The following COG4 variants were observed in gnomAD, a reference collection of about 807,000 sequenced individuals.
COG4 encodes the protein conserved oligomeric Golgi complex subunit 4.
A neutral mutation model predicts 95.1 loss-of-function variants in COG4; 65 were observed. The ratio of observed to expected loss-of-function variants is 0.68; its 90% CI spans 0.56 to 0.84. The LOEUF is 0.84. Ranked by LOEUF, COG4 falls within the 40% of genes least tolerant of loss-of-function variation. COG4 has a pLI of 0.00. For missense variants in COG4, 1,045 were observed against 989.1 expected (o/e 1.06, Z -0.76); for synonymous variants, 421 against 374.8 (o/e 1.12, Z -1.42).
At chr16:70,500,112 G>A (rs1331750101) in intron 9 of COG4, among the ~76,000 whole-genome samples, 1 of 151,800 alleles carries the variant, frequency 6.6e-6, no homozygotes, top group Non-Finnish European at 1.5e-5. Context: ...GGGATTATGC[G>A]TGAGCCACCA....
At position 70,480,656 on chromosome 16, in the gene COG4, C is replaced by T. The variant is rs1597649501; in HGVS notation, c.*354G>A. 1 of 326,406 alleles carries T rather than the reference C, an allele frequency of 3.1e-6. No homozygotes were observed. Among genetic ancestry groups the T allele is most frequent in the East Asian group, 7.6e-5 (1 of 13,082 alleles). 20.2% of individuals were successfully genotyped at this position (326,406 alleles called of 1,614,324 possible). On this transcript the variant is annotated 3_prime_UTR_variant, in exon 19 of 19. Transcript: ENST00000323786. ...CCTAACTGCTAGGTCCCCAGATGTACCCAAGTTGTCTAGGACTGGCAGGGG... is the reference window on the plus strand; with the variant it reads ...CCTAACTGCTAGGTCCCCAGATGTATCCAAGTTGTCTAGGACTGGCAGGGG...
chr16:70,504,931 G>C (rs2049530424), intron 8 of COG4, among the ~76,000 whole-genome samples: 1 of 150,122 alleles, frequency 6.7e-6, no homozygotes, highest in African/African-American at 2.5e-5. Context: ...AAAAAATCCA[G>C]TCAAAATGCC....
intron 2 of COG4, among the ~76,000 whole-genome samples, 155 bp downstream of exon 2, chr16:70,519,494 A>T (rs967949219): frequency 5.3e-5 from 8 of 152,210 alleles, no homozygotes; most frequent in African/African-American, 1.9e-4. Context: ...AAAACCATCA[A>T]ACTAATACCC....
At position 70,497,373 on chromosome 16, in the gene COG4, G is replaced by A. The variant is rs1421570052; in HGVS notation, c.1329C>T (p.Asp443=). The A allele has an allele frequency of 1.9e-6, 3 of 1,613,488 alleles. No homozygotes were observed. The highest frequency in any genetic ancestry group is 1.7e-6 in the Non-Finnish European group (2 of 1,180,016). The change falls in exon 11 of 19, where the codon GAC becomes GAT. Residue 443 remains aspartate (D), a synonymous_variant. Coordinates refer to ENST00000323786, the MANE Select transcript of COG4 (RefSeq NM_015386.3). Reference sequence around the variant, plus strand: ...ATGTCAGCTGGCCCTTCTCATAGGTGTCCAGAGCCACAGCCTACCCAAAAG... The same window carrying A: ...ATGTCAGCTGGCCCTTCTCATAGGTATCCAGAGCCACAGCCTACCCAAAAG... The part of the protein sequence containing the change: ...RETVNKAVAL[D]TYEKGQLTSS...
chr16:70,481,692 G>C (rs977190626), intron 17 of COG4, 72 bp downstream of exon 17: 17 of 1,421,328 alleles, frequency 1.2e-5, no homozygotes, highest in Admixed American at 3.6e-5. Context: ...TGCAAGTCCT[G>C]GGGGTGGTGG....
intron 4 of COG4, among the ~76,000 whole-genome samples, chr16:70,512,893 C>T (rs2049740973): frequency 6.6e-6 from 1 of 152,114 alleles, no homozygotes; most frequent in Non-Finnish European, 1.5e-5. Flanking sequence ...CAGAAGAATC[C>T]CTTGAACCTG....
chr16:70,486,995 CA>C (rs72483781), intron 13 of COG4, among the ~76,000 whole-genome samples: 256 of 124,194 alleles, frequency 2.1e-3, no homozygotes, highest in Admixed American at 1.8e-3. Flanking sequence ...AACTTCATCT[CA>C]AAAAAAAAAA....
chr16:70,498,732 T>C (rs1261325385), intron 9 of COG4, among the ~76,000 whole-genome samples: 1 of 152,246 alleles, frequency 6.6e-6, no homozygotes, highest in East Asian at 1.9e-4. Flanking sequence ...GATAACAGAA[T>C]ATCACAATAA....
At chr16:70,508,178 C>T (rs891112433) in intron 8 of COG4, among the ~76,000 whole-genome samples, 2 of 152,088 alleles carry the variant, frequency 1.3e-5, no homozygotes, top group African/African-American at 4.8e-5. Flanking sequence ...CTTGGTCTCC[C>T]AAAGTGCTGG....
intron 9 of COG4, among the ~76,000 whole-genome samples, chr16:70,499,033 C>G (rs1040392024): frequency 6.6e-6 from 1 of 152,104 alleles, no homozygotes; most frequent in Non-Finnish European, 1.5e-5. Flanking sequence ...CTGGGCAACA[C>G]AGCAATACTC....
intron 3 of COG4, among the ~76,000 whole-genome samples, chr16:70,516,737 T>A (rs887872929): frequency 1.3e-5 from 2 of 152,048 alleles, no homozygotes; most frequent in Admixed American, 6.6e-5. Flanking sequence ...CTTTTTTTTT[T>A]AAATAGAAGC....
At position 70,486,303 on chromosome 16, in the gene COG4, G is replaced by A. The variant is rs190626521; in HGVS notation, c.1711-2334C>T. ...GTTGCCAGGAGCTGCCGCATTGCTCGTAGCCTTCTTAGAAAGTTCATGCTG... is the reference window on the plus strand; with the variant it reads ...GTTGCCAGGAGCTGCCGCATTGCTCATAGCCTTCTTAGAAAGTTCATGCTG... On this transcript the variant is annotated intron_variant, in intron 13 of 18. Coordinates refer to ENST00000323786, the MANE Select transcript of COG4 (RefSeq NM_015386.3). Among the ~76,000 whole-genome samples, 26 of 152,304 alleles carry A rather than the reference G, an allele frequency of 1.7e-4. No individual in the cohort carries two copies. The South Asian group carries it at 2.1e-3, about 12-fold the overall frequency.
intron 12 of COG4, among the ~76,000 whole-genome samples, chr16:70,493,407 G>C (rs1037194119): frequency 2.0e-5 from 3 of 152,046 alleles, no homozygotes; most frequent in Non-Finnish European, 4.4e-5. Flanking sequence ...TCAGGAAGTG[G>C]ATTTTTAATT....
At chr16:70,486,269 A>C (rs1461717047) in intron 13 of COG4, among the ~76,000 whole-genome samples, 1 of 152,128 alleles carries the variant, frequency 6.6e-6, no homozygotes, top group African/African-American at 2.4e-5. Context: ...CCTGAAACTC[A>C]TGTTTTGGGT....
chr16:70,501,748 T>A (rs971942894), intron 8 of COG4, among the ~76,000 whole-genome samples: 2 of 151,928 alleles, frequency 1.3e-5, no homozygotes, highest in African/African-American at 4.8e-5. Context: ...CGCCTCTAGG[T>A]TGAAGTGAGT....
intron 13 of COG4, among the ~76,000 whole-genome samples, chr16:70,484,399 T>C (rs1260307164): frequency 6.6e-6 from 1 of 152,236 alleles, no homozygotes; most frequent in Non-Finnish European, 1.5e-5. Context: ...CAGGAGACAC[T>C]AGCTATTATT....
Position 70,480,813 on chromosome 16 carries a change from C to T in COG4, c.*197G>A, listed in dbSNP as rs767112798. The T allele has an allele frequency of 1.6e-4, 99 of 617,874 alleles. No individual in the cohort carries two copies. The highest frequency in any genetic ancestry group is 2.2e-4 in the Non-Finnish European group (79 of 357,160). The allele number at this position is 617,874 out of a possible 1,614,324, so 38.3% of individuals were successfully genotyped here. On this transcript the variant is annotated 3_prime_UTR_variant, in exon 19 of 19. Transcript: ENST00000323786. ...CGCTTCTCTCGGTGGGGAGATGCTG[C>T]CCCCAGAGCATCACCTGGCCAGGTC... is the stretch of plus-strand genomic sequence containing the variant.
intron 2 of COG4, among the ~76,000 whole-genome samples, chr16:70,518,316 T>C (rs2049867129): frequency 6.6e-6 from 1 of 152,276 alleles, no homozygotes; most frequent in Non-Finnish European, 1.5e-5. Context: ...GAGCATAAGA[T>C]GCACTAACCA....
At chr16:70,499,739 A>G (rs748981225) in intron 9 of COG4, among the ~76,000 whole-genome samples, 147 of 152,104 alleles carry the variant, frequency 9.7e-4, no homozygotes, top group Non-Finnish European at 1.9e-3. Flanking sequence ...GGCTCACTGC[A>G]AGCTCCGCCT....
Sources: gnomAD v4.1 joint callset for allele counts (sites outside exome capture counted in the v4.1 genomes callset) on GRCh38, gnomAD v4.1.1 for gene constraint, MANE v1.5 for transcripts, NCBI Gene and HGNC (gene_info 2026-07-23, HGNC 2026-07-21) for gene names.